PACC1: variants seen among roughly 807,000 people sequenced by gnomAD.
The protein encoded by PACC1 is proton activated chloride channel 1.
PACC1 carries 34 observed loss-of-function variants against 39.7 expected under a neutral mutation model. The observed-to-expected ratio is 0.86, with a 90% CI of 0.65 to 1.14. The LOEUF (loss-of-function observed/expected upper bound fraction) is 1.14. Among genes scored for constraint, PACC1 ranks in the 50% most tolerant of loss-of-function variants. PACC1 has a pLI of 0.00. For synonymous variants in PACC1, 127 were observed against 160.6 expected (o/e 0.79, Z 1.58); for missense variants, 379 against 436.4 (o/e 0.87, Z 1.17).
rs1660180319 is a variant in PACC1 at position 212,365,053 on chromosome 1, C to CT, written c.*161dup. The CT allele has an allele frequency of 3.5e-6, 2 of 569,332 alleles. No individual in the cohort carries two copies. Among genetic ancestry groups the CT allele is most frequent in the Non-Finnish European group, 2.9e-6 (1 of 343,324 alleles). 35.3% of individuals were successfully genotyped at this position (569,332 alleles called of 1,614,324 possible). A position where few individuals can be genotyped will look rare whatever the true frequency, so the allele number is the denominator to read the frequency against. ...TCTTCTATTAGGCTCTACACCGCCT[C>CT]TTTTGGGACGGGGTTAGAAGTTCCA... On this transcript the variant is annotated 3_prime_UTR_variant, in exon 8 of 8. Coordinates refer to ENST00000261455, the MANE Select transcript of PACC1 (RefSeq NM_018252.3).
intron 2 of PACC1, among the ~76,000 whole-genome samples, chr1:212,388,511 T>C (rs760664499): frequency 1.2e-4 from 19 of 152,088 alleles, no homozygotes; most frequent in Non-Finnish European, 2.6e-4. Flanking sequence ...TTCAAGGATA[T>C]AATTAAGGTT....
intron 2 of PACC1, among the ~76,000 whole-genome samples, chr1:212,389,182 A>C (rs1021602606): frequency 6.6e-6 from 1 of 152,224 alleles, no homozygotes; most frequent in African/African-American, 2.4e-5. Context: ...GGCATGGTTC[A>C]GAGTGACAGG....
intron 4 of PACC1, 57 bp from the exon 5 acceptor site, chr1:212,380,094 G>T: frequency 6.4e-7 from 1 of 1,568,708 alleles, no homozygotes; most frequent in Non-Finnish European, 8.7e-7. Context: ...GAGGCCTCTG[G>T]GTCTGAGGGC....
intron 1 of PACC1, chr1:212,413,811 A>G (rs750178435): frequency 2.2e-6 from 3 of 1,392,838 alleles, no homozygotes; most frequent in Admixed American, 2.5e-5. Flanking sequence ...TCTGGAGAGT[A>G]TAAGAGACTA....
At chr1:212,387,938 C>T (rs1232106929) in intron 2 of PACC1, among the ~76,000 whole-genome samples, 1 of 151,482 alleles carries the variant, frequency 6.6e-6, no homozygotes, top group Non-Finnish European at 1.5e-5. Context: ...CCTGTAATCC[C>T]AGCTACTCAA....
At chr1:212,399,207 A>G (rs992518646) in intron 2 of PACC1, among the ~76,000 whole-genome samples, 8 of 152,228 alleles carry the variant, frequency 5.3e-5, no homozygotes, top group African/African-American at 1.9e-4. Context: ...GATTTGTTGC[A>G]TAACATCTGA....
In PACC1 at chr1:212,400,521, T is replaced by G. The variant is rs542440719; in HGVS notation, c.133+9904A>C. 2.1e-4 allele frequency among the ~76,000 whole-genome samples: 32 copies of G among 152,044 alleles called. 1 individual carries two copies. The highest frequency in any genetic ancestry group is 1.2e-3 in the South Asian group (6 of 4,822). On this transcript the variant is annotated intron_variant, in intron 2 of 7. Transcript: ENST00000261455. Reference sequence around the variant, plus strand: ...CCTCTTCTTGATCCACAAATAGGAGTGTGATCTAAATAAAAACTGTAAAAC... The same window carrying G: ...CCTCTTCTTGATCCACAAATAGGAGGGTGATCTAAATAAAAACTGTAAAAC...
At position 212,365,273 on chromosome 1, in the gene PACC1, A is replaced by G; in HGVS notation, c.995T>C (p.Ile332Thr). 2 of 1,613,464 alleles carry G rather than the reference A, an allele frequency of 1.2e-6. No individual in the cohort carries two copies. The highest frequency in any genetic ancestry group is 8.5e-7 in the Non-Finnish European group (1 of 1,179,832). Residue 332 changes from isoleucine to threonine, a missense_variant, in exon 8 of 8, where the codon ATC becomes ACC. Physicochemically the swap from Ile to Thr is moderately conservative, Grantham distance 89 (BLOSUM62 -1). Coordinates refer to ENST00000261455, the MANE Select transcript of PACC1 (RefSeq NM_018252.3). ...EFAKLSIKWMIKIRKRYLKRR... is the reference protein window; with the variant it reads ...EFAKLSIKWMTKIRKRYLKRR... ...TTTAAGGTATCTCTTTCTAATTTTGATCATCCATTTTATACTCAGTTTGGC... is the reference window on the plus strand; with the variant it reads ...TTTAAGGTATCTCTTTCTAATTTTGGTCATCCATTTTATACTCAGTTTGGC...
At chr1:212,371,623 A>C (rs1030957734) in intron 7 of PACC1, among the ~76,000 whole-genome samples, 12 of 152,150 alleles carry the variant, frequency 7.9e-5, no homozygotes, top group Admixed American at 5.9e-4. Flanking sequence ...AATTAATAGC[A>C]ATTCTACTCA....
intron 2 of PACC1, among the ~76,000 whole-genome samples, chr1:212,408,903 C>T (rs878995649): frequency 2.0e-5 from 3 of 152,160 alleles, no homozygotes; most frequent in African/African-American, 7.2e-5. Flanking sequence ...GGCCACAGAC[C>T]AATACGGGTC....
At chr1:212,390,272 A>C (rs1444145234) in intron 2 of PACC1, among the ~76,000 whole-genome samples, 4 of 151,790 alleles carry the variant, frequency 2.6e-5, no homozygotes, top group African/African-American at 9.7e-5. Flanking sequence ...AAAATACAAA[A>C]ATGAGCTGGG....
chr1:212,401,188 A>G (rs1237459260), intron 2 of PACC1, among the ~76,000 whole-genome samples: 4 of 152,166 alleles, frequency 2.6e-5, no homozygotes, highest in African/African-American at 9.7e-5. Context: ...TCATTACCCA[A>G]AAAGAAACTC....
chr1:212,369,633 G>A (rs1660371384), intron 7 of PACC1, among the ~76,000 whole-genome samples: 1 of 151,966 alleles, frequency 6.6e-6, no homozygotes, highest in South Asian at 2.1e-4. Flanking sequence ...ATACAAAAAT[G>A]AGCCAGGTGT....
rs183937701 is a variant in PACC1, at chr1:212,377,674, T to C, written c.671A>G (p.Glu224Gly). ...GAACTTCCAGCTGGAATAGGCACTC[T>C]CACAGGCCTGCATGAAGCCTACCCT... ...PNRVGFMQACESAYSSWKFSG... is the reference protein window; with the variant it reads ...PNRVGFMQACGSAYSSWKFSG... The change falls in exon 6 of 8, where the codon GAG becomes GGG. Residue 224 changes from glutamate to glycine, a missense_variant. Glu to Gly is a moderately conservative substitution (Grantham distance 98). Transcript: ENST00000261455. 9 of 1,614,126 alleles carry C rather than the reference T, an allele frequency of 5.6e-6. No individual in the cohort carries two copies. The Admixed American group carries it at 8.3e-5, about 15-fold the overall frequency.
At position 212,385,338 on chromosome 1, in the gene PACC1, G is replaced by A. The variant is rs140936184; in HGVS notation, c.431C>T (p.Pro144Leu). The A allele has an allele frequency of 7.1e-5, 114 of 1,614,100 alleles. 1 individual carries two copies. In the South Asian group the frequency reaches 8.5e-4, roughly 12 times the overall value. ...CTGGGTGGTGCAATTCATGTCACCC[G>A]GCTGGCCAGGGCTTGTCAGAGGAGG... is the stretch of plus-strand genomic sequence containing the variant. ...VIPPLTSPGQ[P>L]GDMNCTTQRI... Residue 144 changes from proline (P) to leucine (L), a missense_variant, in exon 4 of 8, where the codon CCG becomes CTG. Transcript: ENST00000261455.
At chr1:212,370,679 G>A (rs948664479) in intron 7 of PACC1, among the ~76,000 whole-genome samples, 1 of 152,154 alleles carries the variant, frequency 6.6e-6, no homozygotes, top group African/African-American at 2.4e-5. Flanking sequence ...AATTAAACAT[G>A]ATGCTCCTTA....
intron 2 of PACC1, among the ~76,000 whole-genome samples, chr1:212,391,290 C>T (rs11119926): frequency 0.16 from 24,767 of 152,138 alleles, 2,767 homozygotes; most frequent in East Asian, 0.38. Context: ...CATCAATATT[C>T]GCTGTTCTGC....
intron 2 of PACC1, among the ~76,000 whole-genome samples, chr1:212,398,112 C>T (rs1259637934): frequency 6.6e-6 from 1 of 151,976 alleles, no homozygotes; most frequent in Non-Finnish European, 1.5e-5. Context: ...ATTACTGGTA[C>T]CAAAGAAACA....
At chr1:212,403,710 G>T (rs1408700302) in intron 2 of PACC1, among the ~76,000 whole-genome samples, 2 of 152,024 alleles carry the variant, frequency 1.3e-5, no homozygotes, top group Admixed American at 6.6e-5. Context: ...GATTACAGAT[G>T]CATGCCATCA....
Sources: allele counts gnomAD v4.1 joint callset (sites outside exome capture counted in the v4.1 genomes callset), GRCh38; gene constraint gnomAD v4.1.1; transcripts MANE v1.5; gene names NCBI Gene and HGNC (gene_info 2026-07-23, HGNC 2026-07-21).